The following UTRN variants were observed in gnomAD, a reference collection of about 807,000 sequenced individuals.
UTRN encodes utrophin, also known as dystrophin-related protein 1.
Under a neutral mutation model 463.9 loss-of-function variants are expected in UTRN, and 283 were observed. The ratio of observed to expected loss-of-function variants is 0.61; its 90% CI spans 0.55 to 0.67. The LOEUF (loss-of-function observed/expected upper bound fraction) is 0.67. Among genes scored for constraint, UTRN ranks in the 30% least tolerant of loss-of-function variants. The pLI is 0.00. For missense variants in UTRN, 3,922 were observed against 4,084.3 expected, an observed-to-expected ratio of 0.96 and a Z score of 1.08; for synonymous variants, 1,442 against 1,431.5, an observed-to-expected ratio of 1.01 and a Z score of -0.17.
chr6:144,377,478 T>C (rs1389198571), intron 2 of UTRN, among the ~76,000 whole-genome samples: 1 of 152,242 alleles, frequency 6.6e-6, no homozygotes, highest in Non-Finnish European at 1.5e-5. Flanking sequence ...TTGGAGTGAT[T>C]ACATATATAT....
chr6:144,683,061 G>A (rs1013801134), intron 52 of UTRN, among the ~76,000 whole-genome samples: 2 of 152,086 alleles, frequency 1.3e-5, no homozygotes, highest in South Asian at 2.1e-4. Context: ...TGCTCAAGGG[G>A]CATTCATCAT....
At chr6:144,514,059 A>G in intron 36 of UTRN, 22 bp downstream of exon 36, 5 of 1,613,028 alleles carry the variant, frequency 3.1e-6, no homozygotes, top group Non-Finnish European at 4.2e-6. Context: ...AGACATCAGT[A>G]ACGCTTTTGG....
intron 52 of UTRN, among the ~76,000 whole-genome samples, chr6:144,691,226 C>G (rs933844219): frequency 2.0e-5 from 3 of 152,204 alleles, no homozygotes; most frequent in Non-Finnish European, 4.4e-5. Flanking sequence ...AAGTGATGCT[C>G]ATGCCTCAGC....
chr6:144,387,751 A>G (rs536691303), intron 2 of UTRN, among the ~76,000 whole-genome samples: 43 of 152,292 alleles, frequency 2.8e-4, no homozygotes, highest in Admixed American at 6.5e-4. Flanking sequence ...TTAGCTCCCG[A>G]TACATTTCTG....
intron 51 of UTRN, among the ~76,000 whole-genome samples, chr6:144,582,605 G>A (rs1206590290): frequency 6.6e-6 from 1 of 152,094 alleles, no homozygotes; most frequent in African/African-American, 2.4e-5. Flanking sequence ...CTGTCTAAGG[G>A]GAAATGTGGC....
At chr6:144,380,205 C>T (rs1337519703) in intron 2 of UTRN, among the ~76,000 whole-genome samples, 2 of 151,846 alleles carry the variant, frequency 1.3e-5, no homozygotes, top group African/African-American at 4.8e-5. Flanking sequence ...AATGTCCAGA[C>T]AATAAAATAC....
At chr6:144,452,795 T>A (rs1213431142) in intron 18 of UTRN, among the ~76,000 whole-genome samples, 1 of 149,268 alleles carries the variant, frequency 6.7e-6, no homozygotes, top group Non-Finnish European at 1.5e-5. Context: ...AAAAAAAAAA[T>A]TTGTGGGGCG....
At chr6:144,641,081 T>C (rs181725063) in intron 51 of UTRN, among the ~76,000 whole-genome samples, 270 of 152,266 alleles carry the variant, frequency 1.8e-3, no homozygotes, top group African/African-American at 6.3e-3. Context: ...CAGTTCTCAA[T>C]TAATTTAAAA....
At chr6:144,292,670 C>T (rs1233179259) in intron 2 of UTRN, among the ~76,000 whole-genome samples, 3 of 152,286 alleles carry the variant, frequency 2.0e-5, no homozygotes, top group Middle Eastern at 3.4e-3. Context: ...TTTGAACAGG[C>T]AGAACACTTC....
At chr6:144,502,055 C>G (rs577723878) in intron 34 of UTRN, among the ~76,000 whole-genome samples, 1 of 151,758 alleles carries the variant, frequency 6.6e-6, no homozygotes, top group African/African-American at 2.4e-5. Flanking sequence ...TGTTTGATTG[C>G]AAACAAATTT....
At chr6:144,440,557 C>A (rs1787050627) in intron 13 of UTRN, 86 bp downstream of exon 13, 1 of 1,566,592 alleles carries the variant, frequency 6.4e-7, no homozygotes, top group Admixed American at 1.8e-5. Flanking sequence ...CATGTCCTTT[C>A]TCATTCTTTA....
At chr6:144,377,700 G>A (rs1331733584) in intron 2 of UTRN, among the ~76,000 whole-genome samples, 1 of 152,160 alleles carries the variant, frequency 6.6e-6, no homozygotes, top group East Asian at 1.9e-4. Flanking sequence ...CACAGAGTCG[G>A]CTGGCTCCCA....
chr6:144,341,065 GT>G (rs1289028526), intron 2 of UTRN, among the ~76,000 whole-genome samples: 1 of 152,154 alleles, frequency 6.6e-6, no homozygotes, highest in Non-Finnish European at 1.5e-5. Context: ...TAATATGAAT[GT>G]TTTAGAAGTT....
At chr6:144,473,683 C>T (rs773580122) in intron 23 of UTRN, 37 bp from the exon 24 acceptor site, 31 of 1,569,718 alleles carry the variant, frequency 2.0e-5, no homozygotes, top group East Asian at 1.6e-4. Context: ...CTGAACGTCA[C>T]GAAGTAATAT....
intron 2 of UTRN, among the ~76,000 whole-genome samples, chr6:144,399,537 C>G (rs1782749786): frequency 6.6e-6 from 1 of 152,146 alleles, no homozygotes; most frequent in Non-Finnish European, 1.5e-5. Flanking sequence ...GGCTAAAGGT[C>G]TAGGTGCTAC....
chr6:144,827,355 A>G lies in UTRN; in HGVS notation c.9502A>G (p.Thr3168Ala). The part of the protein sequence containing the change: ...LEGDNLETPI[T>A]LISMWPEHYD... ...CCTCTCCCCTCTTTGCAGTCCTATC[A>G]CACTCATCAGTATGTGGCCAGAGCA... The change falls in exon 67 of 75, where the codon ACA (threonine) becomes GCA (alanine). Residue 3168 changes from threonine (T) to alanine (A), a missense_variant. Thr to Ala is a moderately conservative substitution (Grantham distance 58). Around this residue, in one of 3 missense-constraint regions of UTRN, gnomAD observed 1,309 missense variants for 1,452.6 expected, o/e 0.90. Transcript: ENST00000367545. 6.2e-7 allele frequency: 1 copy of G among 1,613,414 alleles called. No homozygotes were observed. The highest frequency in any genetic ancestry group is 8.5e-7 in the Non-Finnish European group (1 of 1,179,592).
chr6:144,592,009 G>A (rs1053066427), intron 51 of UTRN, among the ~76,000 whole-genome samples: 1 of 152,112 alleles, frequency 6.6e-6, no homozygotes, highest in Non-Finnish European at 1.5e-5. Flanking sequence ...AGGCTAGGGT[G>A]GTTGTAATAT....
At chr6:144,740,839 T>C (rs1789980394) in intron 54 of UTRN, among the ~76,000 whole-genome samples, 1 of 152,232 alleles carries the variant, frequency 6.6e-6, no homozygotes. Context: ...AAGATTTGTT[T>C]GATAGACATA....
rs529417054 is a variant in UTRN, at chr6:144,469,508, T to G, written c.3067-4212T>G. Among the ~76,000 whole-genome samples, 7 of 152,332 alleles carry G rather than the reference T, an allele frequency of 4.6e-5. No homozygotes were observed. In the South Asian group the frequency reaches 1.4e-3, roughly 32 times the overall value. On this transcript the variant is annotated intron_variant, in intron 23 of 74. Coordinates refer to ENST00000367545, the MANE Select transcript of UTRN (RefSeq NM_007124.3). ...CAAGGCCCCATGGCTAGGCAGGTGC[T>G]GAGCTTGGTAGTCAGACCTCAGCAT...
Sources: gnomAD v4.1 joint callset for allele counts (sites outside exome capture counted in the v4.1 genomes callset) on GRCh38, gnomAD v4.1.1 for gene constraint, gnomAD v4.1.1 regional missense constraint, MANE v1.5 for transcripts, NCBI Gene and HGNC (gene_info 2026-07-23, HGNC 2026-07-21) for gene names.